TTC7B: variants seen among roughly 807,000 people sequenced by gnomAD.
TTC7B encodes the protein tetratricopeptide repeat domain 7B.
TTC7B carries 28 observed loss-of-function variants against 106.8 expected under a neutral mutation model. The ratio of observed to expected loss-of-function variants is 0.26; its 90% confidence interval spans 0.19 to 0.36. TTC7B has a LOEUF of 0.36. TTC7B is among the 10% of genes least tolerant of loss of function. The pLI is 1.00. For missense variants in TTC7B, 862 were observed against 1,076.4 expected, an observed-to-expected ratio of 0.80 and a Z score of 2.79; for synonymous variants, 405 against 430.6, an observed-to-expected ratio of 0.94 and a Z score of 0.74.
At chr14:90,679,035 G>A (rs1219136973) in intron 8 of TTC7B, among the ~76,000 whole-genome samples, 1 of 152,190 alleles carries the variant, frequency 6.6e-6, no homozygotes, top group African/African-American at 2.4e-5. Context: ...ACCCGGTGGG[G>A]AAGCCTGTGG....
intron 18 of TTC7B, among the ~76,000 whole-genome samples, chr14:90,581,746 CA>C (rs1397583836): frequency 6.6e-6 from 1 of 152,176 alleles, no homozygotes; most frequent in African/African-American, 2.4e-5. Context: ...CCATAAATGC[CA>C]ATAAGACTGT....
At chr14:90,546,276 T>TTTCCC (rs1009173905) in intron 19 of TTC7B, among the ~76,000 whole-genome samples, 32 of 152,344 alleles carry the variant, frequency 2.1e-4, no homozygotes, top group African/African-American at 6.0e-4. Context: ...CCTTCCTTCC[T>TTTCCC]TTCCCTTCCC....
At chr14:90,688,335 C>T (rs964401372) in intron 7 of TTC7B, among the ~76,000 whole-genome samples, 4 of 151,934 alleles carry the variant, frequency 2.6e-5, no homozygotes, top group African/African-American at 9.7e-5. Context: ...ACTAAAAATA[C>T]AAAAATTGTC....
intron 19 of TTC7B, among the ~76,000 whole-genome samples, chr14:90,542,571 A>G (rs1434871668): frequency 6.6e-6 from 1 of 152,208 alleles, no homozygotes; most frequent in African/African-American, 2.4e-5. Context: ...TTGCTGTTCC[A>G]AATCGCACAG....
rs1406988830 is a variant in TTC7B at position 90,644,090 on chromosome 14, T to C, written c.1709A>G (p.Asn570Ser). 1 of 1,614,106 alleles carries C rather than the reference T, an allele frequency of 6.2e-7. No homozygotes were observed. Among genetic ancestry groups the C allele is most frequent in the Admixed American group, 1.7e-5 (1 of 60,016 alleles). The change falls in exon 15 of 20, where the codon AAC becomes AGC. Residue 570 changes from asparagine (N) to serine (S), a missense_variant. Asn to Ser is a conservative substitution (Grantham distance 46). Coordinates refer to ENST00000328459, the MANE Select transcript of TTC7B (RefSeq NM_001010854.2). The stretch of plus-strand genomic sequence containing the variant: ...TTCACTCAGGGCCATGTCGATGATG[T>C]TCAGAGCGTCATGGTAATGCTTCTG... ...SAQKHYHDALNIIDMALSEYP... is the reference protein window; with the variant it reads ...SAQKHYHDALSIIDMALSEYP...
At chr14:90,787,422 G>A (rs921709143) in intron 1 of TTC7B, among the ~76,000 whole-genome samples, 1 of 152,114 alleles carries the variant, frequency 6.6e-6, no homozygotes, top group Non-Finnish European at 1.5e-5. Flanking sequence ...TATAAAATCA[G>A]TTTTAAAAGG....
At chr14:90,550,984 C>T (rs530789273) in intron 19 of TTC7B, among the ~76,000 whole-genome samples, 6 of 152,292 alleles carry the variant, frequency 3.9e-5, no homozygotes, top group African/African-American at 1.2e-4. Context: ...CTGGGGGATG[C>T]GAGCACCCCC....
rs1005536973 is a variant in TTC7B, at chr14:90,802,705, AGTAGTCAACAGG to A, written c.121+13458_121+13469del. Among the ~76,000 whole-genome samples the A allele has an allele frequency of 1.3e-5, 2 of 151,950 alleles. No individual in the cohort carries two copies. The highest frequency in any genetic ancestry group is 4.8e-5 in the African/African-American group (2 of 41,330). ...TCCCGGTCTTTGGTCACCATTTGCA[AGTAGTCAACAGG>A]GTTGACGGGTACTCCCCAGGGACGC... is the stretch of plus-strand genomic sequence containing the variant. On this transcript the variant is annotated intron_variant, in intron 1 of 19. Coordinates refer to ENST00000328459, the MANE Select transcript of TTC7B (RefSeq NM_001010854.2). The surrounding 1 kb of genome is among the most constrained non-coding windows in gnomAD (Gnocchi z 4.7).
chr14:90,695,296 A>G (rs1887695010), intron 6 of TTC7B, among the ~76,000 whole-genome samples: 1 of 135,308 alleles, frequency 7.4e-6, no homozygotes, highest in African/African-American at 2.7e-5. Flanking sequence ...ATATATGTAC[A>G]TAAATATATG....
chr14:90,599,246 C>T (rs552852159), intron 17 of TTC7B, among the ~76,000 whole-genome samples: 6 of 152,166 alleles, frequency 3.9e-5, no homozygotes, highest in African/African-American at 9.7e-5. Context: ...CAAGTGTTGC[C>T]GAATAAATAG....
At chr14:90,741,798 T>C (rs1002644123) in intron 4 of TTC7B, among the ~76,000 whole-genome samples, 3 of 152,226 alleles carry the variant, frequency 2.0e-5, no homozygotes, top group Non-Finnish European at 2.9e-5. Context: ...GCTAGCCTTC[T>C]GCTTAATCAA....
At chr14:90,580,793 C>G (rs1891456560) in intron 18 of TTC7B, among the ~76,000 whole-genome samples, 1 of 152,332 alleles carries the variant, frequency 6.6e-6, no homozygotes, top group East Asian at 1.9e-4. Flanking sequence ...CTCCTGATAG[C>G]CAGGTCCCTG....
At position 90,577,345 on chromosome 14, in the gene TTC7B, C is replaced by A. The variant is rs561760376; in HGVS notation, c.2310+761G>T. On this transcript the variant is annotated intron_variant, in intron 19 of 19. Coordinates refer to ENST00000328459, the MANE Select transcript of TTC7B (RefSeq NM_001010854.2). This position sits in a 1 kb window ranked among gnomAD's most constrained non-coding sequence, Gnocchi z 5.0. ...CTGCCGAGGCAGCTGCACTAACACA[C>A]GTTCATAACGGACAGAACCCTCCTG... Among the ~76,000 whole-genome samples the A allele has an allele frequency of 6.6e-6, 1 of 152,178 alleles. No homozygotes were observed. The highest frequency in any genetic ancestry group is 1.5e-5 in the Non-Finnish European group (1 of 68,036).
chr14:90,623,142 A>G (rs1884283837), intron 15 of TTC7B, among the ~76,000 whole-genome samples: 1 of 152,236 alleles, frequency 6.6e-6, no homozygotes, highest in Non-Finnish European at 1.5e-5. Context: ...TAAACCTTCC[A>G]AATGGAAACA....
chr14:90,581,281 C>T (rs1891478520), intron 18 of TTC7B, among the ~76,000 whole-genome samples: 1 of 152,050 alleles, frequency 6.6e-6, no homozygotes, highest in African/African-American at 2.4e-5. Context: ...TCTCAGAAGA[C>T]TCAACTCAGA....
intron 3 of TTC7B, among the ~76,000 whole-genome samples, chr14:90,755,508 T>C (rs577626296): frequency 6.6e-6 from 1 of 152,098 alleles, no homozygotes; most frequent in Non-Finnish European, 1.5e-5. Context: ...TTTTTGTTTG[T>C]ATTAGCTGTG....
chr14:90,616,472 C>T (rs1412626742), intron 16 of TTC7B, among the ~76,000 whole-genome samples: 8 of 151,270 alleles, frequency 5.3e-5, no homozygotes, highest in East Asian at 3.9e-4. Context: ...CACAGCGCCG[C>T]GCCGCTGTTC....
chr14:90,626,043 A>G (rs1369913742), intron 15 of TTC7B, among the ~76,000 whole-genome samples: 2 of 152,174 alleles, frequency 1.3e-5, no homozygotes, highest in Non-Finnish European at 2.9e-5. Flanking sequence ...CCTTAGACTT[A>G]CTGAGTCAGA....
At chr14:90,628,951 G>A (rs2139862055) in intron 15 of TTC7B, among the ~76,000 whole-genome samples, 1 of 152,370 alleles carries the variant, frequency 6.6e-6, no homozygotes, top group South Asian at 2.1e-4. Context: ...CGATTCTTCG[G>A]AGGCATAGCA....
Sources: allele counts gnomAD v4.1 joint callset (sites outside exome capture counted in the v4.1 genomes callset), GRCh38; gene constraint gnomAD v4.1.1; non-coding constraint Gnocchi (gnomAD v3.1); transcripts MANE v1.5; gene names NCBI Gene and HGNC (gene_info 2026-07-23, HGNC 2026-07-21).